Variants in U2SURP observed in about 807,000 individuals in gnomAD.
U2SURP encodes the protein U2 snRNP associated SURP domain containing.
In U2SURP, 9 loss-of-function variants were observed where a neutral mutation model predicts 144.9. The observed-to-expected ratio is 0.06, with a 90% CI of 0.04 to 0.11. The LOEUF is 0.11. U2SURP is among the 10% of genes least tolerant of loss of function. The pLI, the probability that U2SURP is intolerant of heterozygous loss-of-function variation, is 1.00. For missense variants in U2SURP, 724 were observed against 1,226.7 expected (o/e 0.59, Z 6.12); for synonymous variants, 408 against 396.8 (o/e 1.03, Z -0.33).
chr3:143,041,337 T>A (rs1267092318), intron 23 of U2SURP, among the ~76,000 whole-genome samples: 1 of 151,924 alleles, frequency 6.6e-6, no homozygotes, highest in Non-Finnish European at 1.5e-5. Flanking sequence ...TTTAGGAAAT[T>A]TATGACAAAT....
At chr3:143,053,487 T>G (rs551964065) in intron 25 of U2SURP, among the ~76,000 whole-genome samples, 189 bp from the exon 26 acceptor site, 4 of 152,244 alleles carry the variant, frequency 2.6e-5, no homozygotes, top group African/African-American at 9.6e-5. Context: ...TAGGATTAGT[T>G]TTATTCAGTA....
chr3:143,053,626 C>A, intron 25 of U2SURP, 50 bp from the exon 26 acceptor site: 2 of 1,074,546 alleles, frequency 1.9e-6, no homozygotes, highest in Non-Finnish European at 2.7e-6. Context: ...ATGAGATTAA[C>A]CCACATTGAT....
rs1578105168 is a variant in U2SURP, at chr3:143,005,077, T to C, written c.45+3404T>C. On this transcript the variant is annotated intron_variant, in intron 1 of 27. Coordinates refer to ENST00000473835, the MANE Select transcript of U2SURP (RefSeq NM_001080415.2). ...TATTTTCTTTCCTTCTGCCATCTCC[T>C]GTGCTGGTAATATTGCTAATGTAAT... Among the ~76,000 whole-genome samples the C allele has an allele frequency of 3.3e-5, 5 of 152,258 alleles. No homozygotes were observed. The South Asian group carries it at 1.0e-3, about 32-fold the overall frequency.
intron 20 of U2SURP, 42 bp from the exon 21 acceptor site, chr3:143,037,137 A>C: frequency 6.3e-7 from 1 of 1,580,096 alleles, no homozygotes; most frequent in South Asian, 1.2e-5. Context: ...ATGTGACTTC[A>C]GCAAGCAAAG....
At chr3:143,026,924 C>T (rs1295833897) in intron 13 of U2SURP, 1 of 378,118 alleles carries the variant, frequency 2.6e-6, no homozygotes, top group South Asian at 6.8e-5. Flanking sequence ...TGGTTTCCTA[C>T]CCTCCCTCAC....
At chr3:143,031,622 A>G (rs888321784) in intron 16 of U2SURP, among the ~76,000 whole-genome samples, 3 of 152,244 alleles carry the variant, frequency 2.0e-5, no homozygotes, top group Non-Finnish European at 4.4e-5. Flanking sequence ...GCTATTGCAT[A>G]CTTAATAGAC....
At chr3:143,040,290 A>G (rs1490107675) in intron 23 of U2SURP, among the ~76,000 whole-genome samples, 1 of 151,916 alleles carries the variant, frequency 6.6e-6, no homozygotes, top group Non-Finnish European at 1.5e-5. Context: ...ATACGCATAC[A>G]TTAATGGAAG....
chr3:143,040,899 A>G (rs1283163417), intron 23 of U2SURP, among the ~76,000 whole-genome samples: 2 of 151,920 alleles, frequency 1.3e-5, no homozygotes, highest in Non-Finnish European at 3.0e-5. Context: ...CTATTGACAT[A>G]AATGATGTAA....
At chr3:143,013,201 G>C (rs1476185283) in intron 3 of U2SURP, among the ~76,000 whole-genome samples, 1 of 151,910 alleles carries the variant, frequency 6.6e-6, no homozygotes, top group Non-Finnish European at 1.5e-5. Flanking sequence ...TTTGAGCATG[G>C]TAATTTTTCA....
chr3:143,047,888 C>G (rs1031994707), intron 24 of U2SURP, among the ~76,000 whole-genome samples: 2 of 150,902 alleles, frequency 1.3e-5, no homozygotes, highest in Non-Finnish European at 3.0e-5. Context: ...GCTGACCCCC[C>G]CCAACCTCCC....
At chr3:143,053,854 A>G (rs774148249) in intron 26 of U2SURP, 60 bp downstream of exon 26, 16 of 1,346,928 alleles carry the variant, frequency 1.2e-5, no homozygotes, top group African/African-American at 2.9e-5. Flanking sequence ...GTGGTGTTTT[A>G]TAATACTTTC....
Position 143,055,255 on chromosome 3 carries a change from A to G in U2SURP, c.2951+136A>G, listed in dbSNP as rs1396205701. The G allele has an allele frequency of 6.7e-6, 5 of 747,906 alleles. No individual in the cohort carries two copies. In the East Asian group the frequency reaches 1.5e-4, roughly 22 times the overall value. 46.3% of individuals were successfully genotyped at this position (747,906 alleles called of 1,614,324 possible). A position where few individuals can be genotyped will look rare whatever the true frequency, so the allele number is the denominator to read the frequency against. On this transcript the variant is annotated intron_variant, in intron 27 of 27. Coordinates refer to ENST00000473835, the MANE Select transcript of U2SURP (RefSeq NM_001080415.2). Reference sequence around the variant, plus strand: ...TAGAAAACCAAAGAGATACACTTTCATTTTTGGTTATTCCTCCCCACCTCC... The same window carrying G: ...TAGAAAACCAAAGAGATACACTTTCGTTTTTGGTTATTCCTCCCCACCTCC...
rs1382974451 is a variant in U2SURP at position 143,047,168 on chromosome 3, G to C, written c.2545-3771G>C. Among the ~76,000 whole-genome samples, 15 of 96,840 alleles carry C rather than the reference G, an allele frequency of 1.5e-4. 1 individual carries two copies. The highest frequency in any genetic ancestry group is 8.1e-4 in the African/African-American group (15 of 18,456). 63.5% of individuals were successfully genotyped at this position (96,840 alleles called of 152,430 possible). A position where few individuals can be genotyped will look rare whatever the true frequency, so the allele number is the denominator to read the frequency against. On this transcript the variant is annotated intron_variant, in intron 24 of 27. Coordinates refer to ENST00000473835, the MANE Select transcript of U2SURP (RefSeq NM_001080415.2). ...TCCCGGACGGGGCGGCTGGCCAGGC[G>C]GGGGGCTGATCCCCCCACCTCCCTC...
intron 2 of U2SURP, chr3:143,011,885 C>A: frequency 2.2e-6 from 1 of 452,034 alleles, no homozygotes; most frequent in Non-Finnish European, 4.3e-6. Context: ...CATGAAACAC[C>A]AGTTTTACTT....
chr3:143,053,982 C>T (rs1323505411), intron 26 of U2SURP, among the ~76,000 whole-genome samples, 188 bp downstream of exon 26: 2 of 152,164 alleles, frequency 1.3e-5, no homozygotes, highest in African/African-American at 2.4e-5. Context: ...ACTTAGTTAA[C>T]CAGGGCATCA....
chr3:143,045,240 G>T (rs905701673), intron 24 of U2SURP, among the ~76,000 whole-genome samples: 2 of 151,958 alleles, frequency 1.3e-5, no homozygotes, highest in Admixed American at 6.5e-5. Context: ...ATGGTGACGG[G>T]CACCTGTAGT....
intron 25 of U2SURP, among the ~76,000 whole-genome samples, chr3:143,052,926 A>G (rs1440856307): frequency 6.7e-6 from 1 of 148,802 alleles, no homozygotes; most frequent in Non-Finnish European, 1.5e-5. Flanking sequence ...CAGTTGTAGC[A>G]TCTGGGGATA....
At chr3:143,046,953 CT>C (rs566350093) in intron 24 of U2SURP, among the ~76,000 whole-genome samples, 1,337 of 85,126 alleles carry the variant, frequency 0.016, 146 homozygotes, top group African/African-American at 0.063. Context: ...GGGGGCTGAC[CT>C]CCCCCACCTC....
chr3:143,012,101 G>A, intron 2 of U2SURP, 121 bp from the exon 3 acceptor site: 1 of 1,257,840 alleles, frequency 8.0e-7, no homozygotes, highest in South Asian at 1.3e-5. Context: ...TAAGGGATGT[G>A]ATATTTTGAT....
Sources: allele counts gnomAD v4.1 joint callset (sites outside exome capture counted in the v4.1 genomes callset), GRCh38; gene constraint gnomAD v4.1.1; transcripts MANE v1.5; gene names NCBI Gene and HGNC (gene_info 2026-07-23, HGNC 2026-07-21).